Variants in FAHD2B observed in about 807,000 individuals in gnomAD.
FAHD2B encodes fumarylacetoacetate hydrolase domain containing 2B.
In FAHD2B, 26 loss-of-function variants were observed where a neutral mutation model predicts 33.7. That is an observed-to-expected ratio of 0.77 (90% CI 0.57 to 1.07). The LOEUF is 1.07. FAHD2B is among the 50% of genes least tolerant of loss of function. The pLI, the probability that FAHD2B is intolerant of heterozygous loss-of-function variation, is 0.00. For missense variants in FAHD2B, 272 were observed against 388.1 expected (o/e 0.70, Z 2.51); for synonymous variants, 108 against 150.9 (o/e 0.72, Z 2.08).
intron 4 of FAHD2B, chr2:97,086,739 T>C (rs1221420781): frequency 1.9e-5 from 3 of 154,300 alleles, no homozygotes; most frequent in Admixed American, 1.3e-4. Context: ...CCTTCAAAAT[T>C]GGTGGCTCTT....
At chr2:97,081,260 C>T (rs2031635278), downstream of FAHD2B, 27 of 1,475,274 alleles carry the variant, frequency 1.8e-5, 1 homozygote, top group South Asian at 3.8e-4. Context: ...GTCAGGCCTC[C>T]CCTACGGCCC....
At chr2:97,081,467 G>A, downstream of FAHD2B, 1 of 1,581,694 alleles carries the variant, frequency 6.3e-7, no homozygotes, top group Non-Finnish European at 8.6e-7. Context: ...GCTACTGTCA[G>A]GAGGTGCTGG....
chr2:97,094,161 G>A (rs1308189146), intron 1 of FAHD2B, among the ~76,000 whole-genome samples: 1 of 152,116 alleles, frequency 6.6e-6, no homozygotes, highest in African/African-American at 2.4e-5. Context: ...GGCGCTCTCT[G>A]GCTATTGCCT....
chr2:97,081,163 G>A, downstream of FAHD2B: 9 of 1,475,662 alleles, frequency 6.1e-6, no homozygotes, highest in Non-Finnish European at 7.2e-6. Flanking sequence ...GGAGCTGCAG[G>A]GCATATTGCT....
At chr2:97,093,459 T>G (rs1489358507) in intron 1 of FAHD2B, among the ~76,000 whole-genome samples, 1 of 144,980 alleles carries the variant, frequency 6.9e-6, no homozygotes, top group Non-Finnish European at 1.5e-5. Context: ...ACCTACAATG[T>G]CTGATTTAAT....
In FAHD2B at chr2:97,085,780, C is replaced by A. The variant is rs1005057458; in HGVS notation, c.604G>T (p.Gly202Trp). Residue 202 changes from glycine to tryptophan, a missense_variant, in exon 6 of 9, where the codon GGG becomes TGG. Transcript: ENST00000414820. Reference sequence around the variant, plus strand: ...GTTTTTCCCAGCAGCCACTGTTTCCCATTGCGTCTTGTTAGCCAGTCACGA... The same window carrying A: ...GTTTTTCCCAGCAGCCACTGTTTCCAATTGCGTCTTGTTAGCCAGTCACGA... ...SARDWLTRRN[G>W]KQWLLGKTFD... 2 of 1,613,714 alleles carry A rather than the reference C, an allele frequency of 1.2e-6. No individual in the cohort carries two copies.
chr2:97,090,522 T>C (rs1559139397), intron 3 of FAHD2B, among the ~76,000 whole-genome samples, 197 bp from the exon 4 acceptor site: 1 of 152,152 alleles, frequency 6.6e-6, no homozygotes, highest in African/African-American at 2.4e-5. Context: ...TTATCCAGTA[T>C]TGATTTCCTC....
chr2:97,093,279 G>A (rs1001434365), intron 1 of FAHD2B, among the ~76,000 whole-genome samples: 12 of 151,922 alleles, frequency 7.9e-5, no homozygotes, highest in African/African-American at 1.5e-4. Flanking sequence ...GTTGTGGCCC[G>A]CCAGTTTGAC....
intron 4 of FAHD2B, among the ~76,000 whole-genome samples, chr2:97,088,393 CTCA>C (rs1381479791): frequency 1.3e-5 from 2 of 152,062 alleles, no homozygotes; most frequent in African/African-American, 4.8e-5. Context: ...CCGTGCTGTT[CTCA>C]TGATAGTGAA....
downstream of FAHD2B, among the ~76,000 whole-genome samples, chr2:97,079,560 C>T (rs1244554225): frequency 1.3e-5 from 2 of 152,086 alleles, no homozygotes; most frequent in South Asian, 4.2e-4. Flanking sequence ...TTGTTGGCTG[C>T]ATGTATGTCT....
At chr2:97,081,030 G>A (rs2031623976), downstream of FAHD2B, 1 of 1,373,448 alleles carries the variant, frequency 7.3e-7, no homozygotes. Context: ...CACTTCTGGA[G>A]GCCGAGGTGG....
downstream of FAHD2B, chr2:97,081,956 T>C (rs927399220): frequency 5.3e-5 from 53 of 991,952 alleles, no homozygotes; most frequent in Admixed American, 7.6e-5. Context: ...GTAGGGTTGA[T>C]CCCTGGCCAG....
chr2:97,091,896 G>C lies in FAHD2B; in HGVS notation c.-40C>G. Reference sequence around the variant, plus strand: ...CTTCATAAGGTGAAACTTTTGTAGAGGAGCAACTACTACATGCTACGCAGT... The same window carrying C: ...CTTCATAAGGTGAAACTTTTGTAGACGAGCAACTACTACATGCTACGCAGT... On this transcript the variant is annotated 5_prime_UTR_variant, in exon 2 of 9. Coordinates refer to ENST00000414820, the MANE Select transcript of FAHD2B (RefSeq NM_001320848.2). 1.3e-6 allele frequency: 1 copy of C among 792,508 alleles called. No individual in the cohort carries two copies. The highest frequency in any genetic ancestry group is 1.9e-6 in the Non-Finnish European group (1 of 520,940). The allele number at this position is 792,508 out of a possible 1,614,324, so 49.1% of individuals were successfully genotyped here.
downstream of FAHD2B, chr2:97,081,979 C>T (rs1298299934): frequency 1.5e-6 from 2 of 1,349,738 alleles, no homozygotes; most frequent in Non-Finnish European, 2.1e-6. Flanking sequence ...TGTCAGAGAA[C>T]AATGGCTCCG....
rs1272351102 is a variant in FAHD2B at position 97,083,759 on chromosome 2, A to T, written c.941T>A (p.Val314Glu). The T allele has an allele frequency of 6.2e-7, 1 of 1,614,066 alleles. No individual in the cohort carries two copies. The change falls in exon 9 of 9, where the codon GTG becomes GAG. Residue 314 changes from valine to glutamate, a missense_variant. Physicochemically the swap from Val to Glu is moderately radical, Grantham distance 121. Coordinates refer to ENST00000414820, the MANE Select transcript of FAHD2B (RefSeq NM_001320848.2). ...GTCGGGCCTGTGCAGGAGCCATCAC[A>T]CCACCTTGTTGATGATGACACCTAG... ...EELGVIINKV[V>E]
chr2:97,081,227 C>T (rs2031633951), downstream of FAHD2B: 3 of 1,485,456 alleles, frequency 2.0e-6, no homozygotes, highest in East Asian at 2.3e-5. Context: ...CACCTGCTGC[C>T]GCAAGACCTG....
At chr2:97,084,682 T>C (rs569742825) in intron 6 of FAHD2B, among the ~76,000 whole-genome samples, 1 of 151,934 alleles carries the variant, frequency 6.6e-6, no homozygotes, top group South Asian at 2.1e-4. Context: ...GCAAAACAGG[T>C]GAGAACTGAT....
intron 1 of FAHD2B, among the ~76,000 whole-genome samples, chr2:97,093,460 CTGATT>C (rs1263999984): frequency 1.4e-5 from 2 of 146,216 alleles, no homozygotes; most frequent in Admixed American, 7.1e-5. Context: ...CCTACAATGT[CTGATT>C]TAATTCTTTT....
chr2:97,085,692 G>T lies in FAHD2B; in HGVS notation c.685+7C>A. On this transcript the variant is annotated splice_region_variant and intron_variant, in intron 6 of 8. Coordinates refer to ENST00000414820, the MANE Select transcript of FAHD2B (RefSeq NM_001320848.2). ...TAGGTACCAGGGGGCAGGGACCAGG[G>T]ACCTACCTGCTACACTGTCCTTGGT... The T allele has an allele frequency of 1.9e-6, 3 of 1,613,738 alleles. No individual in the cohort carries two copies. Among genetic ancestry groups the T allele is most frequent in the Non-Finnish European group, 2.5e-6 (3 of 1,179,818 alleles).
Sources: allele counts gnomAD v4.1 joint callset (sites outside exome capture counted in the v4.1 genomes callset), GRCh38; gene constraint gnomAD v4.1.1; transcripts MANE v1.5; gene names NCBI Gene and HGNC (gene_info 2026-07-23, HGNC 2026-07-21).